Variants in PCDHA2 observed in about 807,000 individuals in gnomAD.
PCDHA2 encodes the protein protocadherin alpha-2.
PCDHA2 carries 58 observed loss-of-function variants against 66.0 expected under a neutral mutation model. The ratio of observed to expected loss-of-function variants is 0.88; its 90% CI spans 0.71 to 1.09. The LOEUF is 1.09. Ranked by LOEUF, PCDHA2 falls within the 50% of genes least tolerant of loss-of-function variation. PCDHA2 has a pLI of 0.00. For synonymous variants in PCDHA2, 634 were observed against 554.0 expected (o/e 1.14, Z -2.03); for missense variants, 1,267 against 1,242.3 (o/e 1.02, Z -0.30).
chr5:140,921,215 CT>C (rs2080099389), intron 1 of PCDHA2, among the ~76,000 whole-genome samples: 1 of 151,942 alleles, frequency 6.6e-6, no homozygotes, highest in Admixed American at 6.6e-5. Context: ...TAATTCACGT[CT>C]TTTTTGCTAG....
rs2153691387 is a variant in PCDHA2, at chr5:140,951,014, G to C, written c.2389-27935G>C. Among the ~76,000 whole-genome samples the C allele has an allele frequency of 1.3e-5, 2 of 151,872 alleles. 1 individual carries two copies. Among genetic ancestry groups the C allele is most frequent in the Middle Eastern group, 6.8e-3 (2 of 294 alleles). On this transcript the variant is annotated intron_variant, in intron 1 of 3. Coordinates refer to ENST00000526136, the MANE Select transcript of PCDHA2 (RefSeq NM_018905.3). The stretch of plus-strand genomic sequence containing the variant: ...TTAGCTCCATTTTTCCCAAGATCAG[G>C]CAGTGAGTTTTAATTTCAAATATTA...
At chr5:140,982,275 A>G (rs1315034472) in intron 2 of PCDHA2, 200 bp from the exon 3 acceptor site, 3 of 951,630 alleles carry the variant, frequency 3.2e-6, no homozygotes, top group Non-Finnish European at 4.5e-6. Context: ...GGAATAGTAT[A>G]GCAGGCAATA....
chr5:140,985,830 C>T (rs1446445717), intron 3 of PCDHA2, among the ~76,000 whole-genome samples: 2 of 149,758 alleles, frequency 1.3e-5, no homozygotes, highest in Non-Finnish European at 3.0e-5. Flanking sequence ...AGCTCTGCCT[C>T]CCGGGTTCAT....
At chr5:140,833,984 G>A (rs1449864732) in intron 1 of PCDHA2, among the ~76,000 whole-genome samples, 2 of 152,118 alleles carry the variant, frequency 1.3e-5, no homozygotes, top group East Asian at 3.8e-4. Flanking sequence ...GTTTTTCTAA[G>A]GCATGAGGAA....
At chr5:140,802,718 C>A in intron 1 of PCDHA2, 1 of 1,612,590 alleles carries the variant, frequency 6.2e-7, no homozygotes, top group South Asian at 1.1e-5. Flanking sequence ...TGTCGAGCTA[C>A]GTGTCGGTAC....
chr5:140,899,069 A>G (rs1554188379), intron 1 of PCDHA2, among the ~76,000 whole-genome samples: 1 of 152,164 alleles, frequency 6.6e-6, no homozygotes, highest in Non-Finnish European at 1.5e-5. Flanking sequence ...GAAGTTGCTT[A>G]TCAGCTTAAG....
intron 1 of PCDHA2, chr5:140,877,741 A>C: frequency 6.2e-7 from 1 of 1,614,182 alleles, no homozygotes; most frequent in Non-Finnish European, 8.5e-7. Context: ...GAGGAGGCAG[A>C]GGGTGTGCTC....
chr5:140,824,919 C>G (rs1554130098), intron 1 of PCDHA2: 3 of 152,056 alleles, frequency 2.0e-5, no homozygotes, highest in African/African-American at 7.2e-5. Flanking sequence ...CCTGTATACC[C>G]ATGATGAATT....
Position 140,821,928 on chromosome 5 carries a change from A to G in PCDHA2, c.2388+24576A>G, listed in dbSNP as rs147874482. Reference sequence around the variant, plus strand: ...TCGTTGGCCGCATCGCGCAGGACCTAGGGCTGGAGCTGGCGGAGCTGGTGC... The same window carrying G: ...TCGTTGGCCGCATCGCGCAGGACCTGGGGCTGGAGCTGGCGGAGCTGGTGC... On this transcript the variant is annotated intron_variant, in intron 1 of 3. Coordinates refer to ENST00000526136, the MANE Select transcript of PCDHA2 (RefSeq NM_018905.3). 9.9e-6 allele frequency: 16 copies of G among 1,614,034 alleles called. No individual in the cohort carries two copies. The African/African-American group carries it at 1.7e-4, about 17-fold the overall frequency.
At chr5:140,839,346 C>T (rs1354845524) in intron 1 of PCDHA2, among the ~76,000 whole-genome samples, 1 of 149,510 alleles carries the variant, frequency 6.7e-6, no homozygotes, top group African/African-American at 2.5e-5. Flanking sequence ...ATAGGGGATC[C>T]TCCTTAGCCA....
At chr5:140,960,923 G>A (rs1478943565) in intron 1 of PCDHA2, among the ~76,000 whole-genome samples, 1 of 152,168 alleles carries the variant, frequency 6.6e-6, no homozygotes, top group African/African-American at 2.4e-5. Context: ...TAGAAAATTG[G>A]TACTAAGTTT....
chr5:140,861,442 G>A (rs251368), intron 1 of PCDHA2: 2 of 490,042 alleles, frequency 4.1e-6, no homozygotes, highest in African/African-American at 3.9e-5. Flanking sequence ...TCCAAAAGCC[G>A]CAGAAACCTT....
chr5:140,970,210 C>G (rs184537292), intron 1 of PCDHA2, among the ~76,000 whole-genome samples: 1 of 152,190 alleles, frequency 6.6e-6, no homozygotes, highest in Non-Finnish European at 1.5e-5. Context: ...CTGAATTTAG[C>G]TTAAATGCAG....
At chr5:140,987,045 C>G (rs1344958949) in intron 3 of PCDHA2, among the ~76,000 whole-genome samples, 1 of 151,982 alleles carries the variant, frequency 6.6e-6, no homozygotes, top group Non-Finnish European at 1.5e-5. Flanking sequence ...GAAACCCCAT[C>G]TCTACTAAAG....
At chr5:140,877,380 C>T (rs372220347) in intron 1 of PCDHA2, 25 of 1,613,862 alleles carry the variant, frequency 1.5e-5, no homozygotes, top group Middle Eastern at 1.6e-4. Context: ...CGACACGCAT[C>T]CTGGATGAGG....
intron 1 of PCDHA2, among the ~76,000 whole-genome samples, chr5:140,806,667 A>G (rs371669670): frequency 1.3e-5 from 2 of 152,254 alleles, no homozygotes; most frequent in East Asian, 3.8e-4. Context: ...TAATAAAAAA[A>G]AACCCTGGAA....
chr5:140,822,739 A>C, intron 1 of PCDHA2: 1 of 1,613,636 alleles, frequency 6.2e-7, no homozygotes, highest in Non-Finnish European at 8.5e-7. Flanking sequence ...TATTGATGCC[A>C]TGGATAAAAG....
intron 1 of PCDHA2, among the ~76,000 whole-genome samples, chr5:140,922,015 A>G (rs1563050158): frequency 6.6e-6 from 1 of 152,098 alleles, no homozygotes; most frequent in Non-Finnish European, 1.5e-5. Context: ...AGTTTAAAAA[A>G]ATAAATATAA....
intron 1 of PCDHA2, among the ~76,000 whole-genome samples, chr5:140,841,009 C>T (rs1241373948): frequency 6.6e-6 from 1 of 151,948 alleles, no homozygotes; most frequent in African/African-American, 2.4e-5. Flanking sequence ...AGGAGCCAGA[C>T]AGTATGAATG....
Sources: gnomAD v4.1 joint callset for allele counts (sites outside exome capture counted in the v4.1 genomes callset) on GRCh38, gnomAD v4.1.1 for gene constraint, MANE v1.5 for transcripts, NCBI Gene and HGNC (gene_info 2026-07-23, HGNC 2026-07-21) for gene names.